PGCKA1: variants seen among roughly 807,000 people sequenced by gnomAD.
PGCKA1 encodes the protein PDCD10 and GCKIII kinases associated 1, also known as PDCD10 and GCKIII kinases-associated protein 1.
chr4:37,494,361 A>G, the PGCKA1 span, among the ~76,000 whole-genome samples: 17 of 152,274 alleles, frequency 1.1e-4, no homozygotes, highest in East Asian at 2.5e-3. Flanking sequence ...GCTCCCACTT[A>G]TAAGTGATAA....
chr4:37,589,732 A>G, the PGCKA1 span, among the ~76,000 whole-genome samples: 1 of 152,136 alleles, frequency 6.6e-6, no homozygotes, highest in East Asian at 1.9e-4. Flanking sequence ...CCCAGGTTCA[A>G]GCGATTCTCC....
chr4:37,554,085 A>G, the PGCKA1 span, among the ~76,000 whole-genome samples: 7 of 152,110 alleles, frequency 4.6e-5, no homozygotes, highest in Admixed American at 3.3e-4. Context: ...TTCCCGTGGT[A>G]TTCTCATGAT....
the PGCKA1 span, among the ~76,000 whole-genome samples, chr4:37,476,757 T>G: frequency 6.6e-6 from 1 of 152,222 alleles, no homozygotes; most frequent in East Asian, 1.9e-4. Flanking sequence ...ATGAGTTCTG[T>G]ATTAAAAATA....
chr4:37,467,995 G>T, the PGCKA1 span, among the ~76,000 whole-genome samples: 1 of 152,184 alleles, frequency 6.6e-6, no homozygotes, highest in Non-Finnish European at 1.5e-5. Context: ...CATACAGTAG[G>T]AATAAGTTAG....
chr4:37,568,423 G>C, the PGCKA1 span, among the ~76,000 whole-genome samples: 1 of 152,212 alleles, frequency 6.6e-6, no homozygotes. Flanking sequence ...AGTGGAGAAG[G>C]GGGGTCACTT....
chr4:37,485,718 T>C, the PGCKA1 span, among the ~76,000 whole-genome samples: 1 of 152,214 alleles, frequency 6.6e-6, no homozygotes, highest in Non-Finnish European at 1.5e-5. Context: ...AGTCATTTTA[T>C]GAAATGTGTC....
chr4:37,530,852 G>GTAGGCACCTGTAATCTCAGCTACT, the PGCKA1 span, among the ~76,000 whole-genome samples: 1 of 151,986 alleles, frequency 6.6e-6, no homozygotes, highest in African/African-American at 2.4e-5. Context: ...TGGTGTGGTG[G>GTAGGCACCTGTAATCTCAGCTACT]TGGGCACCTG....
At chr4:37,484,505 A>G in the PGCKA1 span, among the ~76,000 whole-genome samples, 48 of 152,216 alleles carry the variant, frequency 3.2e-4, no homozygotes, top group Non-Finnish European at 6.2e-4. Context: ...GCCAAACCAT[A>G]TCAAGGAGAT....
chr4:37,526,553 TA>T, the PGCKA1 span, among the ~76,000 whole-genome samples: 2 of 152,200 alleles, frequency 1.3e-5, no homozygotes, highest in East Asian at 3.8e-4. Context: ...TGAACCATAA[TA>T]AACAATCATG....
the PGCKA1 span, among the ~76,000 whole-genome samples, chr4:37,520,804 A>C: frequency 1.3e-5 from 2 of 152,080 alleles, no homozygotes; most frequent in South Asian, 4.1e-4. Flanking sequence ...TTTTTAGTAG[A>C]GACAGGATTT....
At chr4:37,525,812 G>A in the PGCKA1 span, among the ~76,000 whole-genome samples, 1 of 152,136 alleles carries the variant, frequency 6.6e-6, no homozygotes, top group Non-Finnish European at 1.5e-5. Flanking sequence ...CTCATAAGTA[G>A]TGTCTGTTTT....
At chr4:37,477,238 A>C in the PGCKA1 span, among the ~76,000 whole-genome samples, 1 of 152,242 alleles carries the variant, frequency 6.6e-6, no homozygotes, top group Admixed American at 6.5e-5. Flanking sequence ...TACTGATAAC[A>C]TGCTACAACA....
At chr4:37,509,975 G>A in the PGCKA1 span, among the ~76,000 whole-genome samples, 1 of 149,590 alleles carries the variant, frequency 6.7e-6, no homozygotes, top group African/African-American at 2.4e-5. Flanking sequence ...GCGGGAGACC[G>A]TGGGAGAGGG....
At chr4:37,554,694 A>T in the PGCKA1 span, among the ~76,000 whole-genome samples, 2 of 152,240 alleles carry the variant, frequency 1.3e-5, no homozygotes, top group African/African-American at 4.8e-5. Flanking sequence ...GGAATTTTTC[A>T]AAGTCTTCCT....
chr4:37,544,678 C>T, the PGCKA1 span, among the ~76,000 whole-genome samples: 19 of 151,126 alleles, frequency 1.3e-4, 1 homozygote, highest in Non-Finnish European at 5.9e-5. Flanking sequence ...AAAAACATAG[C>T]TTTCAGTTTG....
the PGCKA1 span, among the ~76,000 whole-genome samples, chr4:37,573,633 T>G: frequency 6.6e-6 from 1 of 152,252 alleles, no homozygotes; most frequent in Non-Finnish European, 1.5e-5. Flanking sequence ...TGTTAATGGC[T>G]GCAGGGTATT....
the PGCKA1 span, among the ~76,000 whole-genome samples, chr4:37,476,116 T>C: frequency 6.6e-6 from 1 of 152,074 alleles, no homozygotes; most frequent in Non-Finnish European, 1.5e-5. Context: ...ACTAAAATAA[T>C]GTATCTAGCT....
At chr4:37,572,047 CCTTTTTTTTTTTTTT>C in the PGCKA1 span, among the ~76,000 whole-genome samples, 2 of 98,118 alleles carry the variant, frequency 2.0e-5, no homozygotes, top group East Asian at 3.5e-4. Flanking sequence ...TAACTTCACA[CCTTTTTTTTTTTTTT>C]CTTTTTTTTT....
At chr4:37,568,959 C>T in the PGCKA1 span, among the ~76,000 whole-genome samples, 6 of 151,822 alleles carry the variant, frequency 4.0e-5, no homozygotes, top group African/African-American at 1.2e-4. Context: ...TAGCTGGACA[C>T]GGTGGCGTGT....
Sources: gnomAD v4.1 joint callset for allele counts (sites outside exome capture counted in the v4.1 genomes callset) on GRCh38, gnomAD v4.1.1 for gene constraint, MANE v1.5 for transcripts, NCBI Gene and HGNC (gene_info 2026-07-23, HGNC 2026-07-21) for gene names.